Variants in CAPN13 observed in about 807,000 individuals in gnomAD.
CAPN13 encodes the protein calpain 13.
CAPN13 carries 90 observed loss-of-function variants against 98.4 expected under a neutral mutation model. That is an observed-to-expected ratio of 0.92 (90% CI 0.77 to 1.09). CAPN13 has a LOEUF of 1.09. Ranked by LOEUF, CAPN13 falls within the 50% of genes least tolerant of loss-of-function variation. CAPN13 has a pLI of 0.00. For missense variants in CAPN13, 887 were observed against 841.3 expected, an observed-to-expected ratio of 1.05 and a Z score of -0.67; for synonymous variants, 330 against 305.5, an observed-to-expected ratio of 1.08 and a Z score of -0.84.
intron 12 of CAPN13, among the ~76,000 whole-genome samples, chr2:30,744,548 A>G (rs1671813203): frequency 6.6e-6 from 1 of 152,006 alleles, no homozygotes; most frequent in Non-Finnish European, 1.5e-5. Flanking sequence ...GTGCATGGGG[A>G]GGCAGTGGGC....
intron 18 of CAPN13, among the ~76,000 whole-genome samples, chr2:30,735,225 C>CT (rs1339755695): frequency 6.6e-6 from 1 of 152,194 alleles, no homozygotes; most frequent in East Asian, 1.9e-4. Flanking sequence ...TCGTACTTCA[C>CT]AGATGAGGAC....
At chr2:30,798,420 C>T (rs1051359835) in intron 1 of CAPN13, among the ~76,000 whole-genome samples, 1 of 152,136 alleles carries the variant, frequency 6.6e-6, no homozygotes, top group Non-Finnish European at 1.5e-5. Flanking sequence ...TCTCTCTCTG[C>T]TTTTCTTCAG....
Position 30,743,486 on chromosome 2 carries a change from T to C in CAPN13, c.1342A>G (p.Thr448Ala). ...NNKFRRNFTM[T>A]YHLSPGNYVV... ...TAGTTCCCAGGGCTCAGATGGTAAG[T>C]CATGGTGAAGTTGCGGCGGAATTTA... Residue 448 changes from threonine (T) to alanine (A), a missense_variant, in exon 13 of 23, where the codon ACT (threonine) becomes GCT (alanine). Physicochemically the swap from Thr to Ala is moderately conservative, Grantham distance 58. Coordinates refer to ENST00000295055, the MANE Select transcript of CAPN13 (RefSeq NM_144575.3). 6.2e-7 allele frequency: 1 copy of C among 1,613,922 alleles called. No homozygotes were observed. Among genetic ancestry groups the C allele is most frequent in the East Asian group, 2.2e-5 (1 of 44,886 alleles).
At chr2:30,752,920 G>T in intron 10 of CAPN13, 133 bp downstream of exon 10, 1 of 998,506 alleles carries the variant, frequency 1.0e-6, no homozygotes, top group Non-Finnish European at 1.5e-6. Context: ...TCTTCATGCT[G>T]ACAAACTCCC....
chr2:30,766,731 G>T (rs757295804), intron 5 of CAPN13, among the ~76,000 whole-genome samples: 3 of 152,204 alleles, frequency 2.0e-5, no homozygotes, highest in Non-Finnish European at 4.4e-5. Flanking sequence ...CAGAGAAGAT[G>T]CTGAAATGCT....
rs866686827 is a variant in CAPN13 at position 30,757,906 on chromosome 2, G to T, written c.866+140C>A. On this transcript the variant is annotated intron_variant, in intron 8 of 22. Transcript: ENST00000295055. Reference sequence around the variant, plus strand: ...GCATCACAGGAGCGTGAGATGGACCGATAGCCACGTGTAGGTGTGAGCTGG... The same window carrying T: ...GCATCACAGGAGCGTGAGATGGACCTATAGCCACGTGTAGGTGTGAGCTGG... 5 of 606,892 alleles carry T rather than the reference G, an allele frequency of 8.2e-6. No homozygotes were observed. In the South Asian group the frequency reaches 1.0e-4, roughly 13 times the overall value. The allele number at this position is 606,892 out of a possible 1,614,324, so 37.6% of individuals were successfully genotyped here. A position where few individuals can be genotyped will look rare whatever the true frequency, so the allele number is the denominator to read the frequency against.
At chr2:30,743,650 A>C (rs1311569336) in intron 12 of CAPN13, 71 bp from the exon 13 acceptor site, 1 of 1,335,632 alleles carries the variant, frequency 7.5e-7, no homozygotes, top group Non-Finnish European at 1.1e-6. Context: ...ACCAAGAAAG[A>C]CCCACCACCT....
At position 30,751,330 on chromosome 2, in the gene CAPN13, T is replaced by C. The variant is rs149578843; in HGVS notation, c.1088-79A>G. On this transcript the variant is annotated intron_variant, in intron 10 of 22. Transcript: ENST00000295055. ...GCAGGGCCATGTCCAGTGCAGAGAG[T>C]TCTGTGGGGTTGTGTTGTGAACTCT... 1,434 of 1,500,992 alleles carry C rather than the reference T, an allele frequency of 9.6e-4. 20 individuals carry two copies. In the African/African-American group the frequency reaches 0.017, roughly 17 times the overall value. The allele number at this position is 1,500,992 out of a possible 1,614,324, so 93.0% of individuals were successfully genotyped here. A position where few individuals can be genotyped will look rare whatever the true frequency, so the allele number is the denominator to read the frequency against.
At chr2:30,787,909 C>A (rs569386634) in intron 1 of CAPN13, among the ~76,000 whole-genome samples, 1 of 152,232 alleles carries the variant, frequency 6.6e-6, no homozygotes, top group South Asian at 2.1e-4. Flanking sequence ...TAGAATGGGG[C>A]TGCTAGGAGC....
chr2:30,764,118 C>T lies in CAPN13; in HGVS notation c.699+14G>A. 6.4e-7 allele frequency: 1 copy of T among 1,554,706 alleles called. No individual in the cohort carries two copies. Among genetic ancestry groups the T allele is most frequent in the South Asian group, 1.2e-5 (1 of 84,100 alleles). On this transcript the variant is annotated intron_variant, in intron 6 of 22. Coordinates refer to ENST00000295055, the MANE Select transcript of CAPN13 (RefSeq NM_144575.3). ...AAGCTTGAACTGGTGCAAAAGGGCT[C>T]CCCAGTGACTTACCCCACTTGGAGT...
intron 1 of CAPN13, among the ~76,000 whole-genome samples, chr2:30,800,475 C>G (rs1675204949): frequency 6.6e-6 from 1 of 152,180 alleles, no homozygotes; most frequent in Admixed American, 6.5e-5. Flanking sequence ...CTGGGGGTAA[C>G]CAAGAGAAGG....
chr2:30,771,611 T>G (rs562910910), intron 4 of CAPN13, among the ~76,000 whole-genome samples: 1 of 152,254 alleles, frequency 6.6e-6, no homozygotes, highest in African/African-American at 2.4e-5. Flanking sequence ...GGAGGGTGAT[T>G]ACAAAATGCA....
chr2:30,787,927 G>C (rs1313353860), intron 1 of CAPN13, among the ~76,000 whole-genome samples: 1 of 152,090 alleles, frequency 6.6e-6, no homozygotes, highest in Non-Finnish European at 1.5e-5. Context: ...AGCAATCTGG[G>C]GACCAGAGAG....
At chr2:30,760,225 G>A (rs1056374113) in intron 7 of CAPN13, among the ~76,000 whole-genome samples, 9 of 152,300 alleles carry the variant, frequency 5.9e-5, no homozygotes, top group African/African-American at 2.2e-4. Context: ...TGGGACCACA[G>A]GCAGGTACCC....
chr2:30,778,828 G>C (rs1024251637), intron 2 of CAPN13, among the ~76,000 whole-genome samples: 1 of 152,166 alleles, frequency 6.6e-6, no homozygotes, highest in South Asian at 2.1e-4. Context: ...AGGCCCTCCC[G>C]GGTGAGGGGG....
At chr2:30,769,078 G>A (rs530347483) in intron 5 of CAPN13, among the ~76,000 whole-genome samples, 2 of 152,254 alleles carry the variant, frequency 1.3e-5, no homozygotes, top group Admixed American at 6.5e-5. Flanking sequence ...GACTGTCCCA[G>A]TCACAGTGCA....
At chr2:30,790,539 G>T (rs1674549595) in intron 1 of CAPN13, among the ~76,000 whole-genome samples, 1 of 152,148 alleles carries the variant, frequency 6.6e-6, no homozygotes, top group South Asian at 2.1e-4. Context: ...AGCAGGAGCC[G>T]TGGCTTAGGG....
In CAPN13 at chr2:30,763,146, G is replaced by C. The variant is rs750792760; in HGVS notation, c.710C>G (p.Thr237Arg). ...TCATPSGPTDTAQAMENGLVS... is the reference protein window; with the variant it reads ...TCATPSGPTDRAQAMENGLVS... ...CAGCCCATTCTCCATCGCCTGTGCT[G>C]TATCTGTTGGCTTCAAGGCAGAAAA... Residue 237 changes from threonine (T) to arginine (R), a missense_variant, in exon 7 of 23, where the codon ACA becomes AGA. Thr to Arg is a moderately conservative substitution (Grantham distance 71). Coordinates refer to ENST00000295055, the MANE Select transcript of CAPN13 (RefSeq NM_144575.3). 14 of 1,610,854 alleles carry C rather than the reference G, an allele frequency of 8.7e-6. No homozygotes were observed. The highest frequency in any genetic ancestry group is 1.3e-5 in the African/African-American group (1 of 75,014).
intron 5 of CAPN13, among the ~76,000 whole-genome samples, chr2:30,769,273 A>G (rs1668785819): frequency 6.6e-6 from 1 of 151,908 alleles, no homozygotes; most frequent in African/African-American, 2.4e-5. Flanking sequence ...GTGTGTAGCC[A>G]AGCTAAGTAT....
Sources: gnomAD v4.1 joint callset for allele counts (sites outside exome capture counted in the v4.1 genomes callset) on GRCh38, gnomAD v4.1.1 for gene constraint, MANE v1.5 for transcripts, NCBI Gene and HGNC (gene_info 2026-07-23, HGNC 2026-07-21) for gene names.